Variants in XKR9 observed in about 807,000 individuals in gnomAD.
XKR9 encodes the protein XK-related protein 9.
A neutral mutation model predicts 32.0 loss-of-function variants in XKR9; 32 were observed. That is an observed-to-expected ratio of 1.00 (90% confidence interval 0.76 to 1.34). The LOEUF (loss-of-function observed/expected upper bound fraction) is 1.34, where lower values mean the gene tolerates loss of function less well. Among genes scored for constraint, XKR9 ranks in the 40% most tolerant of loss-of-function variants. The probability of loss-of-function intolerance (pLI) is 0.00; values close to 1 mark genes in which losing one functional copy is unlikely to be tolerated. For synonymous variants in XKR9, 168 were observed against 143.4 expected (o/e 1.17, Z -1.22); for missense variants, 546 against 429.7 (o/e 1.27, Z -2.39).
Position 70,754,252 on chromosome 8 carries a change from A to G in XKR9, n.353-35087A>G, listed in dbSNP as rs201771558. Among the ~76,000 whole-genome samples the G allele has an allele frequency of 1.0e-4, 15 of 147,914 alleles. No homozygotes were observed. In the South Asian group the frequency reaches 1.1e-3, roughly 11 times the overall value. On this transcript the variant is annotated intron_variant and non_coding_transcript_variant, in intron 2 of 3. Transcript: ENST00000520273. ...AAGGAGAGCTACAGACCACTGCTCA[A>G]TGAAATAAAAGAGGATACAAACAAA...
chr8:71,016,949 A>G, the XKR9 span, among the ~76,000 whole-genome samples: 5 of 152,206 alleles, frequency 3.3e-5, no homozygotes, highest in Admixed American at 2.6e-4. Flanking sequence ...TTTCCTTAGG[A>G]AAAAGTACGT....
intron 4 of XKR9, among the ~76,000 whole-genome samples, chr8:70,713,942 A>G (rs984757904): frequency 1.7e-4 from 26 of 152,166 alleles, no homozygotes; most frequent in Admixed American, 1.7e-3. Flanking sequence ...TCACAGTTCT[A>G]GAGACTAGAT....
the XKR9 span, among the ~76,000 whole-genome samples, chr8:70,941,516 C>T: frequency 1.1e-4 from 17 of 152,152 alleles, no homozygotes; most frequent in Middle Eastern, 3.4e-3. Context: ...GTTAGCACAT[C>T]TGAAGAGGGG....
chr8:70,865,521 C>A, the XKR9 span, among the ~76,000 whole-genome samples: 1 of 149,204 alleles, frequency 6.7e-6, no homozygotes, highest in South Asian at 2.1e-4. Context: ...TTTTAATTTT[C>A]AATTTTTTTA....
chr8:70,889,606 T>C, the XKR9 span, among the ~76,000 whole-genome samples: 2 of 151,894 alleles, frequency 1.3e-5, no homozygotes, highest in African/African-American at 4.8e-5. Context: ...TTTATGTCCA[T>C]GAGTACCTGA....
the XKR9 span, among the ~76,000 whole-genome samples, chr8:71,049,416 C>T: frequency 6.6e-6 from 1 of 152,136 alleles, no homozygotes; most frequent in Non-Finnish European, 1.5e-5. Context: ...AAAAATACTT[C>T]CTGACTCCCT....
intron 2 of XKR9, among the ~76,000 whole-genome samples, chr8:70,753,092 G>T (rs1163854309): frequency 6.6e-6 from 1 of 152,096 alleles, no homozygotes; most frequent in African/African-American, 2.4e-5. Flanking sequence ...CATCACCACC[G>T]ATCCCACAGA....
In XKR9 at chr8:70,707,110, A is replaced by G. The variant is rs745961448; in HGVS notation, c.450A>G (p.Gln150=). The part of the protein sequence containing the change: ...YLEGCPQLIL[Q]LYILLEHGQA... The stretch of plus-strand genomic sequence containing the variant: ...AAGGCTGCCCACAACTTATTCTTCA[A>G]CTCTACATTCTTCTGGAGCATGGAC... Residue 150 remains glutamine, a synonymous_variant, in exon 4 of 5, where the codon CAA becomes CAG. Transcript: ENST00000408926. The G allele has an allele frequency of 2.5e-5, 41 of 1,613,130 alleles. 1 individual carries two copies. The highest frequency in any genetic ancestry group is 3.5e-5 in the Non-Finnish European group (41 of 1,179,406).
chr8:70,775,047 T>A (rs1281413602), intron 2 of XKR9, among the ~76,000 whole-genome samples: 1 of 152,142 alleles, frequency 6.6e-6, no homozygotes, highest in Non-Finnish European at 1.5e-5. Context: ...GTGTACATAT[T>A]TTATTAAATT....
At chr8:70,678,237 C>T (rs1257749422) in intron 2 of XKR9, 1 of 152,090 alleles carries the variant, frequency 6.6e-6, no homozygotes, top group Non-Finnish European at 1.5e-5. Flanking sequence ...TTATTTTTTC[C>T]ATAGCACTTA....
the XKR9 span, among the ~76,000 whole-genome samples, chr8:71,009,262 C>A: frequency 6.6e-6 from 1 of 152,054 alleles, no homozygotes. Flanking sequence ...GCTTTGAATG[C>A]GGCCCAACAG....
the XKR9 span, among the ~76,000 whole-genome samples, chr8:71,054,017 T>C: frequency 2.0e-5 from 3 of 152,212 alleles, no homozygotes; most frequent in African/African-American, 7.2e-5. Flanking sequence ...CTGTCAGGCA[T>C]GAAAGTGAAC....
the XKR9 span, among the ~76,000 whole-genome samples, chr8:70,938,107 GA>G: frequency 2.6e-5 from 4 of 152,080 alleles, no homozygotes; most frequent in East Asian, 7.7e-4. Context: ...CAGTTTAGAG[GA>G]AATTATTTTG....
At chr8:70,919,110 G>T in the XKR9 span, among the ~76,000 whole-genome samples, 1 of 152,066 alleles carries the variant, frequency 6.6e-6, no homozygotes, top group South Asian at 2.1e-4. Context: ...AGCATGATTG[G>T]TACAGTGACA....
chr8:70,816,429 A>G, the XKR9 span, among the ~76,000 whole-genome samples: 24 of 152,346 alleles, frequency 1.6e-4, no homozygotes, highest in African/African-American at 5.5e-4. Flanking sequence ...TGAAAAATAT[A>G]TCTGGTTCTG....
In XKR9 at chr8:70,734,480, A is replaced by T; in HGVS notation, c.*56A>T. 6.9e-7 allele frequency: 1 copy of T among 1,439,854 alleles called. No individual in the cohort carries two copies. Among genetic ancestry groups the T allele is most frequent in the South Asian group, 1.6e-5 (1 of 62,558 alleles). 89.2% of individuals were successfully genotyped at this position (1,439,854 alleles called of 1,614,324 possible). A position where few individuals can be genotyped will look rare whatever the true frequency, so the allele number is the denominator to read the frequency against. ...ATTTTGTTTCATTGGTTAGTAAAGA[A>T]AATGTGTGTTATGTGGGTGTGTTGT... On this transcript the variant is annotated 3_prime_UTR_variant, in exon 5 of 5. Transcript: ENST00000408926.
At chr8:70,741,965 GT>G (rs71264520) in intron 2 of XKR9, among the ~76,000 whole-genome samples, 56,593 of 146,446 alleles carry the variant, frequency 0.39, 11,099 homozygotes, top group Middle Eastern at 0.44. Context: ...GTTGTATTCT[GT>G]TTTTTTTTTT....
At chr8:70,695,311 A>C (rs963878816) in intron 3 of XKR9, among the ~76,000 whole-genome samples, 1 of 125,536 alleles carries the variant, frequency 8.0e-6, no homozygotes. Context: ...ATATCTCCTA[A>C]TGCTATCCCT....
At chr8:70,965,590 G>A in the XKR9 span, among the ~76,000 whole-genome samples, 1 of 151,966 alleles carries the variant, frequency 6.6e-6, no homozygotes, top group Admixed American at 6.6e-5. Flanking sequence ...GGGTTTTTTT[G>A]TTTGGTTGAT....
Sources: allele counts gnomAD v4.1 joint callset (sites outside exome capture counted in the v4.1 genomes callset), GRCh38; gene constraint gnomAD v4.1.1; transcripts MANE v1.5; gene names NCBI Gene and HGNC (gene_info 2026-07-23, HGNC 2026-07-21).